Variants in UNC13C observed in about 807,000 individuals in gnomAD.
UNC13C encodes unc-13 homolog C, also known as protein unc-13 homolog C.
In UNC13C, 174 loss-of-function variants were observed where a neutral mutation model predicts 245.4. That is an observed-to-expected ratio of 0.71 (90% CI 0.63 to 0.80). The LOEUF (loss-of-function observed/expected upper bound fraction) is 0.80. Among genes scored for constraint, UNC13C ranks in the 30% least tolerant of loss-of-function variants. The pLI, the probability that UNC13C is intolerant of heterozygous loss-of-function variation, is 0.00. For synonymous variants in UNC13C, 992 were observed against 895.1 expected (o/e 1.11, Z -1.93); for missense variants, 2,829 against 2,602.9 (o/e 1.09, Z -1.89).
At chr15:53,878,329 T>C in the UNC13C span, among the ~76,000 whole-genome samples, 1 of 152,200 alleles carries the variant, frequency 6.6e-6, no homozygotes, top group African/African-American at 2.4e-5. Flanking sequence ...TACAGGACTC[T>C]AGAGTTTCTG....
intron 20 of UNC13C, among the ~76,000 whole-genome samples, chr15:54,499,851 T>G (rs1894119698): frequency 6.6e-6 from 1 of 152,068 alleles, no homozygotes; most frequent in Non-Finnish European, 1.5e-5. Flanking sequence ...CTAAGCATAT[T>G]TGAGGCAGCA....
At chr15:54,159,472 G>A (rs76681989) in intron 4 of UNC13C, among the ~76,000 whole-genome samples, 3,625 of 152,316 alleles carry the variant, frequency 0.024, 148 homozygotes, top group African/African-American at 0.078. Flanking sequence ...GGATGCAGAT[G>A]CCTAAGGCAC....
intron 17 of UNC13C, among the ~76,000 whole-genome samples, chr15:54,343,307 A>G (rs2038780105): frequency 6.6e-6 from 1 of 151,960 alleles, no homozygotes. Flanking sequence ...CTTATTTTGT[A>G]TTTTTAGTAG....
At chr15:54,550,353 AG>A (rs1013739164) in intron 28 of UNC13C, among the ~76,000 whole-genome samples, 8 of 152,114 alleles carry the variant, frequency 5.3e-5, no homozygotes, top group African/African-American at 1.9e-4. Context: ...ATGCAAAAAA[AG>A]AATAATATCA....
chr15:54,045,322 A>G (rs1347596423), intron 2 of UNC13C, among the ~76,000 whole-genome samples: 1 of 152,194 alleles, frequency 6.6e-6, no homozygotes. Flanking sequence ...TCTGTTCCCC[A>G]TTGAATTTGT....
chr15:53,915,554 T>C, the UNC13C span, among the ~76,000 whole-genome samples: 1 of 151,982 alleles, frequency 6.6e-6, no homozygotes. Flanking sequence ...TTCATATAAA[T>C]AAAAAGTCAC....
intron 2 of UNC13C, among the ~76,000 whole-genome samples, chr15:54,051,373 T>G (rs1897259255): frequency 6.6e-6 from 1 of 152,108 alleles, no homozygotes; most frequent in Non-Finnish European, 1.5e-5. Context: ...AAGTGTACTT[T>G]TTTTATCTGG....
intron 2 of UNC13C, among the ~76,000 whole-genome samples, chr15:54,134,788 G>A (rs188069614): frequency 6.6e-6 from 1 of 152,208 alleles, no homozygotes; most frequent in Non-Finnish European, 1.5e-5. Flanking sequence ...GGCAGTGCAG[G>A]TATCTCTTCA....
At chr15:54,584,690 G>A (rs983809551) in intron 30 of UNC13C, among the ~76,000 whole-genome samples, 15 of 152,218 alleles carry the variant, frequency 9.9e-5, no homozygotes, top group Admixed American at 5.2e-4. Context: ...GGCATTCTTC[G>A]TATTCACTAA....
chr15:54,617,120 C>T (rs990120182), intron 30 of UNC13C, among the ~76,000 whole-genome samples: 1 of 151,978 alleles, frequency 6.6e-6, no homozygotes, highest in African/African-American at 2.4e-5. Context: ...AAGAAATCAC[C>T]TAACACATTT....
chr15:54,520,405 C>T (rs2947007), intron 24 of UNC13C, among the ~76,000 whole-genome samples: 86,585 of 151,876 alleles, frequency 0.57, 24,880 homozygotes, highest in Middle Eastern at 0.72. Context: ...ACAGCTGAAG[C>T]ATGTATGAGC....
chr15:54,623,858 G>C lies in UNC13C; in HGVS notation c.6263G>C (p.Cys2088Ser), dbSNP rs747194040. ...ATGTTCCGCCCCTTTGTGGAAGTTT[G>C]TATACTGGGACCCAACCTTGGAGAC... The part of the protein sequence containing the change: ...TAMFRPFVEV[C>S]ILGPNLGDKK... Residue 2088 changes from cysteine to serine, a missense_variant, in exon 32 of 33, where the codon TGT becomes TCT. Cys to Ser is a moderately radical substitution (Grantham distance 112). Coordinates refer to ENST00000260323, the MANE Select transcript of UNC13C (RefSeq NM_001080534.3). 8.1e-6 allele frequency: 13 copies of C among 1,613,174 alleles called. No homozygotes were observed. The South Asian group carries it at 1.4e-4, about 18-fold the overall frequency.
intron 2 of UNC13C, among the ~76,000 whole-genome samples, chr15:54,057,573 A>T (rs1251274475): frequency 6.6e-6 from 1 of 152,150 alleles, no homozygotes; most frequent in African/African-American, 2.4e-5. Flanking sequence ...GTTAACCAGG[A>T]TATCCAGGAA....
At chr15:54,559,916 A>G (rs1294044765) in intron 29 of UNC13C, among the ~76,000 whole-genome samples, 1 of 152,054 alleles carries the variant, frequency 6.6e-6, no homozygotes. Context: ...CTTAAACACC[A>G]AAGTAAAGAA....
At chr15:54,256,678 A>G (rs2036286407) in intron 8 of UNC13C, among the ~76,000 whole-genome samples, 1 of 152,182 alleles carries the variant, frequency 6.6e-6, no homozygotes, top group African/African-American at 2.4e-5. Flanking sequence ...TGACAACGAC[A>G]ACAACAACGA....
intron 19 of UNC13C, among the ~76,000 whole-genome samples, chr15:54,485,756 G>T (rs943295505): frequency 1.3e-5 from 2 of 152,104 alleles, no homozygotes; most frequent in Admixed American, 1.3e-4. Context: ...TGGCCTCCTT[G>T]CATCTCTTTG....
intron 2 of UNC13C, among the ~76,000 whole-genome samples, chr15:54,127,157 G>A (rs938566407): frequency 6.6e-6 from 1 of 152,118 alleles, no homozygotes; most frequent in Non-Finnish European, 1.5e-5. Context: ...CGATTCCTCA[G>A]TGATCTAGAA....
intron 2 of UNC13C, among the ~76,000 whole-genome samples, chr15:54,066,501 A>G (rs1237910773): frequency 6.6e-6 from 1 of 152,092 alleles, no homozygotes; most frequent in African/African-American, 2.4e-5. Context: ...ACTTATGTGA[A>G]AACACAGAGA....
intron 4 of UNC13C, among the ~76,000 whole-genome samples, chr15:54,167,426 C>T (rs1444994490): frequency 1.4e-5 from 2 of 145,924 alleles, no homozygotes; most frequent in Admixed American, 1.4e-4. Context: ...GGCGTGAACC[C>T]GGGAGGCGGA....
Sources: gnomAD v4.1 joint callset for allele counts (sites outside exome capture counted in the v4.1 genomes callset) on GRCh38, gnomAD v4.1.1 for gene constraint, MANE v1.5 for transcripts, NCBI Gene and HGNC (gene_info 2026-07-23, HGNC 2026-07-21) for gene names.